ZMAT4: variants seen among roughly 807,000 people sequenced by gnomAD.
ZMAT4 encodes zinc finger matrin-type protein 4.
ZMAT4 carries 17 observed loss-of-function variants against 28.7 expected under a neutral mutation model. The ratio of observed to expected loss-of-function variants is 0.59; its 90% CI spans 0.41 to 0.89. The LOEUF is 0.89. ZMAT4 is among the 40% of genes least tolerant of loss of function. The pLI, the probability that ZMAT4 is intolerant of heterozygous loss-of-function variation, is 0.00. For synonymous variants in ZMAT4, 117 were observed against 109.2 expected, an observed-to-expected ratio of 1.07 and a Z score of -0.44; for missense variants, 240 against 283.8, an observed-to-expected ratio of 0.85 and a Z score of 1.11.
At chr8:40,667,089 C>G (rs958656938) in intron 5 of ZMAT4, among the ~76,000 whole-genome samples, 1 of 151,938 alleles carries the variant, frequency 6.6e-6, no homozygotes, top group African/African-American at 2.4e-5. Flanking sequence ...AGTATTAAAT[C>G]ATAGCTGCAT....
At chr8:40,580,932 A>G in intron 6 of ZMAT4, among the ~76,000 whole-genome samples, 1 of 152,304 alleles carries the variant, frequency 6.6e-6, no homozygotes, top group South Asian at 2.1e-4. Context: ...TAATTTCATA[A>G]AAGTATGCTA....
chr8:40,760,913 G>A (rs2150555734), intron 3 of ZMAT4, among the ~76,000 whole-genome samples: 1 of 152,208 alleles, frequency 6.6e-6, no homozygotes, highest in Non-Finnish European at 1.5e-5. Flanking sequence ...ACCCGATACT[G>A]CATGTGGTTT....
intron 2 of ZMAT4, among the ~76,000 whole-genome samples, chr8:40,801,351 A>AAATATATATATATATATATATATATGT (rs370796453): frequency 5.1e-5 from 5 of 97,254 alleles, no homozygotes; most frequent in African/African-American, 1.9e-4. Context: ...TAAAAAAAAA[A>AAATATATATATATATATATATATATGT]ATATATATAT....
At chr8:40,785,433 G>A (rs1323071171) in intron 2 of ZMAT4, among the ~76,000 whole-genome samples, 1 of 152,202 alleles carries the variant, frequency 6.6e-6, no homozygotes, top group Non-Finnish European at 1.5e-5. Context: ...ACAATGTACT[G>A]TAGGTGTCCA....
chr8:40,884,355 C>G (rs1818383652), intron 1 of ZMAT4, among the ~76,000 whole-genome samples: 1 of 152,208 alleles, frequency 6.6e-6, no homozygotes, highest in African/African-American at 2.4e-5. Context: ...TACAAACATC[C>G]CGCTACTTTT....
Position 40,743,952 on chromosome 8 carries a change from C to T in ZMAT4, c.192+23689G>A, listed in dbSNP as rs572790775. On this transcript the variant is annotated intron_variant, in intron 3 of 6. Transcript: ENST00000297737. ...TTCTCCAGAAAAAGGAAGAGGAGAG[C>T]ATATGTCCATTTCTGGAAGGGTGAA... Among the ~76,000 whole-genome samples, 3 of 152,242 alleles carry T rather than the reference C, an allele frequency of 2.0e-5. No homozygotes were observed. The South Asian group carries it at 6.2e-4, about 32-fold the overall frequency.
chr8:40,626,081 G>T (rs562745774), intron 5 of ZMAT4, among the ~76,000 whole-genome samples: 74 of 145,744 alleles, frequency 5.1e-4, no homozygotes, highest in African/African-American at 1.7e-3. Context: ...TTGCACTCCA[G>T]CCTGGGCAAC....
intron 1 of ZMAT4, among the ~76,000 whole-genome samples, chr8:40,887,910 G>T (rs1818521719): frequency 6.6e-6 from 1 of 152,124 alleles, no homozygotes; most frequent in African/African-American, 2.4e-5. Context: ...CCCCTGAGGA[G>T]CCACACAAAG....
At chr8:40,802,851 T>C (rs1455219641) in intron 2 of ZMAT4, among the ~76,000 whole-genome samples, 1 of 152,172 alleles carries the variant, frequency 6.6e-6, no homozygotes, top group Non-Finnish European at 1.5e-5. Flanking sequence ...TAAAGACAGT[T>C]TGGTATTGGT....
chr8:40,702,304 G>T (rs117060948), intron 3 of ZMAT4, among the ~76,000 whole-genome samples: 1 of 151,930 alleles, frequency 6.6e-6, no homozygotes, highest in Non-Finnish European at 1.5e-5. Flanking sequence ...TATATAGCCC[G>T]GGGTAGAAAC....
intron 1 of ZMAT4, among the ~76,000 whole-genome samples, chr8:40,875,970 C>G (rs1005635793): frequency 1.0e-3 from 158 of 152,234 alleles, no homozygotes; most frequent in African/African-American, 3.5e-3. Context: ...CCCACTAGAC[C>G]AAGGGTGGCG....
chr8:40,685,644 G>A (rs1249465088), intron 4 of ZMAT4, among the ~76,000 whole-genome samples: 2 of 152,010 alleles, frequency 1.3e-5, no homozygotes, highest in Non-Finnish European at 2.9e-5. Flanking sequence ...AATAGCCAGT[G>A]AGGATGTAGC....
intron 6 of ZMAT4, among the ~76,000 whole-genome samples, chr8:40,558,668 G>C (rs1214384987): frequency 6.6e-6 from 1 of 152,104 alleles, no homozygotes; most frequent in African/African-American, 2.4e-5. Context: ...ACCATGTGAA[G>C]TTTGAGATGC....
chr8:40,841,507 A>G (rs979024763), intron 1 of ZMAT4, among the ~76,000 whole-genome samples: 20 of 150,806 alleles, frequency 1.3e-4, no homozygotes, highest in Non-Finnish European at 4.4e-5. Context: ...ACATCCCCCT[A>G]CTCCTCTTAC....
chr8:40,666,269 A>G (rs1004032401), intron 5 of ZMAT4, among the ~76,000 whole-genome samples: 1 of 152,152 alleles, frequency 6.6e-6, no homozygotes, highest in African/African-American at 2.4e-5. Context: ...TCTACATTAC[A>G]TTACATATTC....
chr8:40,829,129 G>A (rs1816184089), intron 1 of ZMAT4, among the ~76,000 whole-genome samples: 1 of 152,156 alleles, frequency 6.6e-6, no homozygotes, highest in South Asian at 2.1e-4. Flanking sequence ...TTCGTATTGT[G>A]CTGTGCCATG....
At chr8:40,617,915 A>G (rs1806068702) in intron 5 of ZMAT4, among the ~76,000 whole-genome samples, 1 of 152,258 alleles carries the variant, frequency 6.6e-6, no homozygotes, top group South Asian at 2.1e-4. Flanking sequence ...TTCCTCCCAC[A>G]GATAGTTTTG....
At chr8:40,596,841 C>T (rs752217951) in intron 5 of ZMAT4, among the ~76,000 whole-genome samples, 1 of 152,168 alleles carries the variant, frequency 6.6e-6, no homozygotes, top group Non-Finnish European at 1.5e-5. Flanking sequence ...TCTCCCTGTT[C>T]CAACTCTCCC....
intron 5 of ZMAT4, among the ~76,000 whole-genome samples, chr8:40,620,846 C>A (rs2118690146): frequency 6.6e-6 from 1 of 152,312 alleles, no homozygotes; most frequent in African/African-American, 2.4e-5. Flanking sequence ...CTCAGGCAAG[C>A]CTTGTTGTGG....
Sources: gnomAD v4.1 joint callset for allele counts (sites outside exome capture counted in the v4.1 genomes callset) on GRCh38, gnomAD v4.1.1 for gene constraint, MANE v1.5 for transcripts, NCBI Gene and HGNC (gene_info 2026-07-23, HGNC 2026-07-21) for gene names.